The following ELP2 variants were observed in gnomAD, a reference collection of about 807,000 sequenced individuals.
ELP2 encodes elongator complex protein 2.
Under a neutral mutation model 119.2 loss-of-function variants are expected in ELP2, and 90 were observed. That is an observed-to-expected ratio of 0.75 (90% confidence interval 0.64 to 0.90). ELP2 has a LOEUF of 0.90. ELP2 is among the 40% of genes least tolerant of loss of function. The pLI is 0.00. For synonymous variants in ELP2, 339 were observed against 331.0 expected (o/e 1.02, Z -0.26); for missense variants, 921 against 967.8 (o/e 0.95, Z 0.64).
intron 13 of ELP2, among the ~76,000 whole-genome samples, chr18:36,158,120 G>T (rs1240327977): frequency 6.6e-6 from 1 of 152,056 alleles, no homozygotes; most frequent in African/African-American, 2.4e-5. Flanking sequence ...ACTGTTTCTT[G>T]TGTCCCAGGT....
intron 11 of ELP2, among the ~76,000 whole-genome samples, chr18:36,151,341 C>T (rs975453286): frequency 1.8e-4 from 28 of 151,936 alleles, no homozygotes; most frequent in Non-Finnish European, 3.2e-4. Context: ...CTTCTGCCTC[C>T]CAAAGTGCTG....
intron 8 of ELP2, among the ~76,000 whole-genome samples, chr18:36,144,618 G>A (rs150368674): frequency 1.1e-4 from 17 of 152,306 alleles, no homozygotes; most frequent in African/African-American, 4.1e-4. Flanking sequence ...AAAGAGGCTG[G>A]CATGACTGTT....
At chr18:36,149,478 G>GT (rs1239631733) in intron 11 of ELP2, among the ~76,000 whole-genome samples, 9,284 of 62,536 alleles carry the variant, frequency 0.15, 551 homozygotes, top group South Asian at 0.24. Flanking sequence ...AGGGTTTTTT[G>GT]TTTTGTTTTG....
At position 36,142,909 on chromosome 18, in the gene ELP2, A is replaced by G. The variant is rs750145890; in HGVS notation, c.739A>G (p.Thr247Ala). Residue 247 changes from threonine to alanine, a missense_variant, in exon 8 of 22, where the codon ACT becomes GCT. Coordinates refer to ENST00000358232, the MANE Select transcript of ELP2 (RefSeq NM_018255.4). ...KLYIKSTSLE[T>A]QDDDNIRLKE... ...GTATATAAAGTCAACATCTTTAGAA[A>G]CTCAGGATGACGATAACATAAGACT... 21 of 1,598,954 alleles carry G rather than the reference A, an allele frequency of 1.3e-5. No homozygotes were observed. The highest frequency in any genetic ancestry group is 6.8e-5 in the Admixed American group (4 of 59,230).
chr18:36,166,362 C>T (rs2090906957), intron 18 of ELP2, among the ~76,000 whole-genome samples: 1 of 86,048 alleles, frequency 1.2e-5, no homozygotes, highest in African/African-American at 4.5e-5. Context: ...CGGAGTTTCC[C>T]TCTTGTTCCC....
intron 18 of ELP2, among the ~76,000 whole-genome samples, chr18:36,165,544 T>C (rs550676400): frequency 1.2e-4 from 19 of 152,352 alleles, no homozygotes; most frequent in African/African-American, 4.3e-4. Context: ...CTGTTTTCTT[T>C]TGCATCACTA....
intron 14 of ELP2, among the ~76,000 whole-genome samples, chr18:36,159,319 G>T (rs1333306729): frequency 1.3e-5 from 2 of 152,100 alleles, no homozygotes; most frequent in Non-Finnish European, 2.9e-5. Context: ...CACCATGTTG[G>T]CCAGAGTGGT....
chr18:36,164,411 T>A, intron 17 of ELP2, 64 bp from the exon 18 acceptor site: 1 of 1,467,794 alleles, frequency 6.8e-7, no homozygotes, highest in South Asian at 1.1e-5. Context: ...GTGTTGTTTT[T>A]AAAATGTTTT....
At position 36,144,976 on chromosome 18, in the gene ELP2, G is replaced by C; in HGVS notation, c.834G>C (p.Val278=). The change falls in exon 9 of 22, where the codon GTG becomes GTC. Residue 278 remains valine (V), a synonymous_variant. Transcript: ENST00000358232. ...CATTTGCTGTTACTCTGGAGACAGTGCTAGCCGGTCATGAAAACTGGGTAA... is the reference window on the plus strand; with the variant it reads ...CATTTGCTGTTACTCTGGAGACAGTCCTAGCCGGTCATGAAAACTGGGTAA... ...KIAFAVTLET[V]LAGHENWVNA... is the part of the protein sequence containing the mutation. The C allele has an allele frequency of 2.5e-6, 4 of 1,613,998 alleles. No homozygotes were observed. The highest frequency in any genetic ancestry group is 3.4e-6 in the Non-Finnish European group (4 of 1,179,908).
At chr18:36,166,164 G>C (rs1048175098) in intron 18 of ELP2, among the ~76,000 whole-genome samples, 1 of 151,380 alleles carries the variant, frequency 6.6e-6, no homozygotes, top group Admixed American at 6.6e-5. Flanking sequence ...CGGCACTCCA[G>C]CCAGGGCATT....
chr18:36,159,025 C>T (rs2090652550), intron 14 of ELP2, 121 bp downstream of exon 14: 4 of 716,204 alleles, frequency 5.6e-6, no homozygotes, highest in Non-Finnish European at 7.6e-6. Flanking sequence ...CACAGTATAT[C>T]TTTTCTATCA....
At chr18:36,138,098 G>T in intron 3 of ELP2, 172 bp from the exon 4 acceptor site, 1 of 616,266 alleles carries the variant, frequency 1.6e-6, no homozygotes, top group Non-Finnish European at 2.9e-6. Context: ...GTGTCACAGG[G>T]CATGCACATT....
chr18:36,138,665 G>T, intron 4 of ELP2, 130 bp from the exon 5 acceptor site: 1 of 913,714 alleles, frequency 1.1e-6, no homozygotes, highest in Non-Finnish European at 1.8e-6. Flanking sequence ...CACATGGTCA[G>T]TGGGGGCTCA....
At chr18:36,137,753 G>C (rs769679667) in intron 3 of ELP2, among the ~76,000 whole-genome samples, 4 of 130,448 alleles carry the variant, frequency 3.1e-5, no homozygotes, top group African/African-American at 5.7e-5. Context: ...GTAAAAGTTT[G>C]ATGAGGAATA....
At chr18:36,142,258 C>T in intron 6 of ELP2, 23 bp from the exon 7 acceptor site, 1 of 1,601,112 alleles carries the variant, frequency 6.2e-7, no homozygotes, top group Non-Finnish European at 8.6e-7. Context: ...TTACATCAAG[C>T]CCAATGATTT....
intron 8 of ELP2, 103 bp downstream of exon 8, chr18:36,143,069 G>A: frequency 1.3e-6 from 1 of 790,004 alleles, no homozygotes; most frequent in Non-Finnish European, 2.0e-6. Flanking sequence ...TTTCACAATT[G>A]TCAGATTCCT....
intron 4 of ELP2, 118 bp from the exon 5 acceptor site, chr18:36,138,677 G>T (rs2089918100): frequency 1.0e-6 from 1 of 959,832 alleles, no homozygotes. Context: ...GGGGGCTCAG[G>T]ATTGACTTCT....
At chr18:36,145,670 T>C (rs751757872) in intron 9 of ELP2, among the ~76,000 whole-genome samples, 4 of 152,248 alleles carry the variant, frequency 2.6e-5, no homozygotes, top group African/African-American at 4.8e-5. Context: ...ACAGCTTGCC[T>C]TTTTAGCTTA....
In ELP2 at chr18:36,164,593, A is replaced by C. The variant is rs747362355; in HGVS notation, c.1880A>C (p.Lys627Thr). Residue 627 changes from lysine to threonine, a missense_variant, in exon 18 of 22, where the codon AAG becomes ACG. Coordinates refer to ENST00000358232, the MANE Select transcript of ELP2 (RefSeq NM_018255.4). ...VTQMAFSPNE[K>T]FLLAVSRDRT... The stretch of plus-strand genomic sequence containing the variant: ...CAGATGGCCTTCTCACCTAATGAGA[A>C]GTTCTTACTAGCTGTTTCCAGAGAT... 1.4e-5 allele frequency: 23 copies of C among 1,614,016 alleles called. No homozygotes were observed. Among genetic ancestry groups the C allele is most frequent in the Non-Finnish European group, 1.8e-5 (21 of 1,180,004 alleles).
Sources: allele counts gnomAD v4.1 joint callset (sites outside exome capture counted in the v4.1 genomes callset), GRCh38; gene constraint gnomAD v4.1.1; transcripts MANE v1.5; gene names NCBI Gene and HGNC (gene_info 2026-07-23, HGNC 2026-07-21).